DMD: variants seen among roughly 807,000 people sequenced by gnomAD.
DMD encodes the protein mutant dystrophin.
A neutral mutation model predicts 330.1 loss-of-function variants in DMD; 63 were observed. That is an observed-to-expected ratio of 0.19 (90% CI 0.16 to 0.24). The LOEUF is 0.24. Ranked by LOEUF, DMD falls within the 10% of genes least tolerant of loss-of-function variation. The pLI is 1.00. For synonymous variants in DMD, 1,223 were observed against 959.8 expected (o/e 1.27, Z -5.07); for missense variants, 3,344 against 2,684.1 (o/e 1.25, Z -5.43).
At chrX:32,894,676 C>T (rs2085540994) in intron 2 of DMD, among the ~76,000 whole-genome samples, 1 of 112,481 alleles carries the variant, frequency 8.9e-6, no homozygotes, top group Non-Finnish European at 1.9e-5. Flanking sequence ...GGGCTACTCC[C>T]AGATTCCGTA....
chrX:32,499,681 C>T (rs1263132216), intron 19 of DMD, among the ~76,000 whole-genome samples: 1 of 111,206 alleles, frequency 9.0e-6, no homozygotes, highest in Non-Finnish European at 1.9e-5. Context: ...TTGCTGGACT[C>T]CTAGTTTACA....
intron 77 of DMD, among the ~76,000 whole-genome samples, chrX:31,132,357 A>G (rs1288830364): frequency 8.9e-6 from 1 of 112,193 alleles, no homozygotes; most frequent in Non-Finnish European, 1.9e-5. Context: ...AGATGGTGCA[A>G]AGGATTTCAC....
intron 4 of DMD, 53 bp from the exon 5 acceptor site, chrX:32,823,440 G>A: frequency 1.3e-6 from 1 of 787,164 alleles, no homozygotes; most frequent in Non-Finnish European, 2.0e-6. Context: ...ATGCCTAGTT[G>A]CAATAATAAT....
intron 44 of DMD, among the ~76,000 whole-genome samples, chrX:32,051,769 G>T (rs748811775): frequency 9.0e-6 from 1 of 111,239 alleles, no homozygotes; most frequent in African/African-American, 3.3e-5. Context: ...GAGAAGTTAC[G>T]AAAGACAAAT....
At chrX:32,812,106 C>G in intron 6 of DMD, among the ~76,000 whole-genome samples, 1 of 110,863 alleles carries the variant, frequency 9.0e-6, no homozygotes. Context: ...GGTTCTTCAC[C>G]TATTCTGAAT....
intron 1 of DMD, among the ~76,000 whole-genome samples, chrX:33,139,083 C>T (rs750578275): frequency 9.0e-6 from 1 of 110,584 alleles, no homozygotes; most frequent in Non-Finnish European, 1.9e-5. Context: ...CCGAGATGGG[C>T]GGATCACTTA....
intron 43 of DMD, among the ~76,000 whole-genome samples, chrX:32,238,209 T>A (rs141144537): frequency 0.011 from 1,247 of 111,975 alleles, 15 homozygotes; most frequent in African/African-American, 0.038. Flanking sequence ...TTTGGCAGTT[T>A]CTGAAGGTCA....
chrX:31,217,914 G>A (rs576112841), intron 64 of DMD, among the ~76,000 whole-genome samples: 5 of 111,671 alleles, frequency 4.5e-5, no homozygotes, highest in African/African-American at 1.6e-4. Flanking sequence ...TGCTCAGAAA[G>A]GAAATGCAGA....
At chrX:32,706,510 G>A (rs1603214676) in intron 7 of DMD, among the ~76,000 whole-genome samples, 1 of 110,356 alleles carries the variant, frequency 9.1e-6, no homozygotes, top group Non-Finnish European at 1.9e-5. Context: ...GTTGCAGCAA[G>A]CTGAGATCGG....
intron 43 of DMD, among the ~76,000 whole-genome samples, chrX:32,255,644 T>A (rs762680622): frequency 1.8e-5 from 2 of 112,100 alleles, no homozygotes; most frequent in Non-Finnish European, 1.9e-5. Flanking sequence ...AGAAACAGGA[T>A]AATTTTATTC....
intron 11 of DMD, among the ~76,000 whole-genome samples, chrX:32,638,798 T>A (rs902316124): frequency 3.6e-5 from 4 of 111,503 alleles, no homozygotes; most frequent in African/African-American, 3.3e-5. Flanking sequence ...TTCACTGCAC[T>A]TGGGAGAAAA....
intron 55 of DMD, among the ~76,000 whole-genome samples, chrX:31,524,044 GC>G (rs2073063729): frequency 8.9e-6 from 1 of 111,864 alleles, no homozygotes; most frequent in Admixed American, 9.5e-5. Flanking sequence ...CGCTCTGCAT[GC>G]ATGCATGAAG....
chrX:32,596,413 T>C (rs1032711790), intron 12 of DMD, among the ~76,000 whole-genome samples: 1 of 111,921 alleles, frequency 8.9e-6, no homozygotes, highest in Admixed American at 9.5e-5. Context: ...CCATCAACTT[T>C]CATGTTCCTA....
rs180938843 is a variant in DMD, at chrX:31,831,821, C to G, written c.7200+4897G>C. 2.7e-5 allele frequency among the ~76,000 whole-genome samples: 3 copies of G among 112,167 alleles called. No homozygotes were observed. The East Asian group carries it at 8.4e-4, about 32-fold the overall frequency. ...GTTTCACCATGTTAGCCAGGATGGT[C>G]TCGATCTCCTGACTTTGTGATCCGC... On this transcript the variant is annotated intron_variant, in intron 49 of 78. Transcript: ENST00000357033.
At chrX:32,853,834 C>T (rs1278200255) in intron 2 of DMD, among the ~76,000 whole-genome samples, 5 of 104,431 alleles carry the variant, frequency 4.8e-5, no homozygotes, top group African/African-American at 1.8e-4. Context: ...CTGTTGCCTA[C>T]AAGAAACACG....
At chrX:32,691,458 A>C (rs977554252) in intron 9 of DMD, among the ~76,000 whole-genome samples, 4 of 111,872 alleles carry the variant, frequency 3.6e-5, no homozygotes, top group Non-Finnish European at 5.6e-5. Context: ...ATGTAAATGA[A>C]AAGCAGAATG....
chrX:32,591,710 G>A (rs183479618), intron 13 of DMD, among the ~76,000 whole-genome samples: 4 of 112,268 alleles, frequency 3.6e-5, no homozygotes, highest in Non-Finnish European at 3.8e-5. Context: ...AAGCAGGAGC[G>A]CTGCTCCCTA....
intron 9 of DMD, among the ~76,000 whole-genome samples, chrX:32,657,911 T>G: frequency 8.9e-6 from 1 of 111,985 alleles, no homozygotes; most frequent in South Asian, 3.7e-4. Flanking sequence ...ATTCACTGGA[T>G]ACTTTTAAAA....
rs1394357575 is a variant in DMD at position 32,143,125 on chromosome X, G to A, written c.6438+73791C>T. Among the ~76,000 whole-genome samples the A allele has an allele frequency of 2.7e-5, 3 of 109,303 alleles. No individual in the cohort carries two copies. The Admixed American group carries it at 3.0e-4, about 11-fold the overall frequency. 94.9% of individuals were successfully genotyped at this position (109,303 alleles called of 115,157 possible). A position where few individuals can be genotyped will look rare whatever the true frequency, so the allele number is the denominator to read the frequency against. Reference sequence around the variant, plus strand: ...TATGTTCATGTATTACTTGGTTTTTGTTCTGTCCTCAGCACCCACCACAAG... The same window carrying A: ...TATGTTCATGTATTACTTGGTTTTTATTCTGTCCTCAGCACCCACCACAAG... On this transcript the variant is annotated intron_variant, in intron 44 of 78. Transcript: ENST00000357033.
Sources: allele counts gnomAD v4.1 joint callset (sites outside exome capture counted in the v4.1 genomes callset), GRCh38; gene constraint gnomAD v4.1.1; transcripts MANE v1.5; gene names NCBI Gene and HGNC (gene_info 2026-07-23, HGNC 2026-07-21).